The following ZNF618 variants were observed in gnomAD, a reference collection of about 807,000 sequenced individuals.
The protein encoded by ZNF618 is neural precursor cell expressed, developmentally down-regulated 10.
Under a neutral mutation model 103.0 loss-of-function variants are expected in ZNF618, and 34 were observed. That is an observed-to-expected ratio of 0.33 (90% CI 0.25 to 0.44). The LOEUF is 0.44. Ranked by LOEUF, ZNF618 falls within the 20% of genes least tolerant of loss-of-function variation. ZNF618 has a pLI of 1.00. For synonymous variants in ZNF618, 551 were observed against 542.2 expected, an observed-to-expected ratio of 1.02 and a Z score of -0.23; for missense variants, 1,059 against 1,295.4, an observed-to-expected ratio of 0.82 and a Z score of 2.80.
rs557004846 is a variant in ZNF618 at position 114,048,346 on chromosome 9, G to A, written c.1349-305G>A. ...GATTCCCATATTAGAGGAGATTCCT[G>A]TATTGAGGAAGAAATTAGACTAGTT... On this transcript the variant is annotated intron_variant, in intron 14 of 14. Coordinates refer to ENST00000374126, the MANE Select transcript of ZNF618 (RefSeq NM_001318042.2). Among the ~76,000 whole-genome samples the A allele has an allele frequency of 1.1e-4, 17 of 152,172 alleles. No homozygotes were observed. In the South Asian group the frequency reaches 1.7e-3, roughly 15 times the overall value.
At chr9:113,975,987 C>G (rs1055787833) in intron 2 of ZNF618, among the ~76,000 whole-genome samples, 15 of 152,168 alleles carry the variant, frequency 9.9e-5, no homozygotes, top group African/African-American at 3.4e-4. Context: ...TGTACTTACT[C>G]CAAAGGGGCC....
chr9:114,021,178 C>A (rs1357472641), intron 10 of ZNF618, among the ~76,000 whole-genome samples: 1 of 151,962 alleles, frequency 6.6e-6, no homozygotes, highest in Admixed American at 6.6e-5. Context: ...AAAGTTACAA[C>A]CTGGGGATGA....
Position 114,050,006 on chromosome 9 carries a change from A to G in ZNF618, c.2704A>G (p.Lys902Glu). 1 of 1,613,968 alleles carries G rather than the reference A, an allele frequency of 6.2e-7. No individual in the cohort carries two copies. The highest frequency in any genetic ancestry group is 8.5e-7 in the Non-Finnish European group (1 of 1,179,904). The stretch of plus-strand genomic sequence containing the variant: ...GTCGTGCGTTACCCAAAAGCACACA[A>G]AACTCGCCAAGCTCGCCTTCTGGCT... ...YWSCVTQKHT[K>E]LAKLAFWLLA... The change falls in exon 15 of 15, where the codon AAA (lysine) becomes GAA (glutamate). Residue 902 changes from lysine to glutamate, a missense_variant. Physicochemically the swap from Lys to Glu is moderately conservative, Grantham distance 56 (BLOSUM62 1). Transcript: ENST00000374126.
intron 1 of ZNF618, among the ~76,000 whole-genome samples, chr9:113,953,594 T>C (rs1346295300): frequency 6.6e-6 from 1 of 152,202 alleles, no homozygotes; most frequent in Non-Finnish European, 1.5e-5. Context: ...CTCTGCTTCT[T>C]CCTCTCTGTA....
rs67008462 is a variant in ZNF618 at position 113,938,571 on chromosome 9, TC to T, written c.34-30545del. 0.028 allele frequency among the ~76,000 whole-genome samples: 3,964 copies of T among 140,422 alleles called. 400 individuals carry two copies. The East Asian group carries it at 0.28, about 10-fold the overall frequency. The allele number at this position is 140,422 out of a possible 152,430, so 92.1% of individuals were successfully genotyped here. On this transcript the variant is annotated intron_variant, in intron 1 of 14. Coordinates refer to ENST00000374126, the MANE Select transcript of ZNF618 (RefSeq NM_001318042.2). ...CTCCTCCCATTATATTTTCTTTTTT[TC>T]TTTTTTTTTTTTTTGAGATGGAGTC...
chr9:113,984,859 T>C lies in ZNF618; in HGVS notation c.78-3462T>C, dbSNP rs1027477839. Among the ~76,000 whole-genome samples, 28 of 152,240 alleles carry C rather than the reference T, an allele frequency of 1.8e-4. 1 individual carries two copies. Among genetic ancestry groups the C allele is most frequent in the Non-Finnish European group, 2.9e-5 (2 of 68,046 alleles). ...TCGTTCACTATCAGCTTCATCAGCA[T>C]GACCACCTCTGCAGCACTAGACAAA... On this transcript the variant is annotated intron_variant, in intron 2 of 14. Coordinates refer to ENST00000374126, the MANE Select transcript of ZNF618 (RefSeq NM_001318042.2).
intron 1 of ZNF618, among the ~76,000 whole-genome samples, chr9:113,878,108 T>C (rs1297553929): frequency 6.6e-6 from 1 of 152,112 alleles, no homozygotes; most frequent in Non-Finnish European, 1.5e-5. Flanking sequence ...TATCAATATT[T>C]GTTATTTTTC....
chr9:113,879,710 G>A (rs569598917), intron 1 of ZNF618, among the ~76,000 whole-genome samples: 34 of 151,728 alleles, frequency 2.2e-4, no homozygotes, highest in African/African-American at 3.6e-4. Flanking sequence ...TTATTTTGGC[G>A]AAAGATCGTT....
intron 2 of ZNF618, among the ~76,000 whole-genome samples, chr9:113,982,408 G>A (rs996753591): frequency 2.0e-5 from 3 of 152,018 alleles, no homozygotes; most frequent in African/African-American, 7.2e-5. Flanking sequence ...ACCTCTCGGG[G>A]CGCATTGCCT....
chr9:113,998,974 G>C (rs1349439112), intron 4 of ZNF618, among the ~76,000 whole-genome samples: 3 of 152,274 alleles, frequency 2.0e-5, no homozygotes, highest in Non-Finnish European at 4.4e-5. Context: ...CCCCTGAGGG[G>C]TGTACAGTGT....
chr9:113,931,949 T>G (rs776178399), intron 1 of ZNF618, among the ~76,000 whole-genome samples: 2 of 152,314 alleles, frequency 1.3e-5, no homozygotes, highest in Middle Eastern at 3.4e-3. Context: ...GTGTAGTGAT[T>G]GATTCATTCA....
intron 9 of ZNF618, among the ~76,000 whole-genome samples, chr9:114,015,671 G>A (rs996040315): frequency 6.6e-6 from 1 of 152,142 alleles, no homozygotes; most frequent in African/African-American, 2.4e-5. Context: ...ATGGGTGAAT[G>A]TGCAAAAATT....
At chr9:114,003,407 A>G (rs1251137080) in intron 6 of ZNF618, among the ~76,000 whole-genome samples, 1 of 152,242 alleles carries the variant, frequency 6.6e-6, no homozygotes, top group Non-Finnish European at 1.5e-5. Context: ...ATCTGCTGCA[A>G]GATGCAAACT....
At chr9:113,908,433 T>TATTAAAA (rs1287872564) in intron 1 of ZNF618, among the ~76,000 whole-genome samples, 1 of 152,194 alleles carries the variant, frequency 6.6e-6, no homozygotes, top group Non-Finnish European at 1.5e-5. Flanking sequence ...CATACAAAAA[T>TATTAAAA]ATTAAAAATT....
At chr9:114,016,002 C>A (rs1407161608) in intron 9 of ZNF618, 2 of 1,018,412 alleles carry the variant, frequency 2.0e-6, no homozygotes, top group East Asian at 5.1e-5. Flanking sequence ...AGGGCACCCT[C>A]CCCCAAGGGG....
At chr9:114,012,314 C>A (rs777923790) in intron 9 of ZNF618, among the ~76,000 whole-genome samples, 1 of 152,142 alleles carries the variant, frequency 6.6e-6, no homozygotes, top group African/African-American at 2.4e-5. Context: ...GGGCTCTCCT[C>A]CTGGCTTGCA....
At chr9:113,994,917 A>G (rs1840417995) in intron 3 of ZNF618, among the ~76,000 whole-genome samples, 1 of 151,892 alleles carries the variant, frequency 6.6e-6, no homozygotes, top group South Asian at 2.1e-4. Flanking sequence ...TATAATTTCC[A>G]GGATATTGTG....
At chr9:113,989,785 C>T (rs1296442304) in intron 3 of ZNF618, among the ~76,000 whole-genome samples, 1 of 152,240 alleles carries the variant, frequency 6.6e-6, no homozygotes, top group Non-Finnish European at 1.5e-5. Flanking sequence ...TCCTTAAACT[C>T]CCTTTGCCAG....
chr9:114,052,332 C>G lies in ZNF618; in HGVS notation c.*2165C>G, dbSNP rs1357037905. 1 of 152,642 alleles carries G rather than the reference C, an allele frequency of 6.6e-6. No individual in the cohort carries two copies. The highest frequency in any genetic ancestry group is 2.4e-5 in the African/African-American group (1 of 41,442). 9.5% of individuals were successfully genotyped at this position (152,642 alleles called of 1,614,324 possible). A position where few individuals can be genotyped will look rare whatever the true frequency, so the allele number is the denominator to read the frequency against. On this transcript the variant is annotated 3_prime_UTR_variant, in exon 15 of 15. Coordinates refer to ENST00000374126, the MANE Select transcript of ZNF618 (RefSeq NM_001318042.2). ...CTCCAGCAAACTGTGGTCTCAGGAA[C>G]TACCATGCCATTTCCTCTCCTGGAG...
Sources: gnomAD v4.1 joint callset for allele counts (sites outside exome capture counted in the v4.1 genomes callset) on GRCh38, gnomAD v4.1.1 for gene constraint, MANE v1.5 for transcripts, NCBI Gene and HGNC (gene_info 2026-07-23, HGNC 2026-07-21) for gene names.